The following MYH3 variants were observed in gnomAD, a reference collection of about 807,000 sequenced individuals.
The protein encoded by MYH3 is myosin heavy chain 3.
Under a neutral mutation model 238.0 loss-of-function variants are expected in MYH3, and 130 were observed. The observed-to-expected ratio is 0.55, with a 90% CI of 0.47 to 0.63. The LOEUF is 0.63. Ranked by LOEUF, MYH3 falls within the 30% of genes least tolerant of loss-of-function variation. MYH3 has a pLI of 0.00. For missense variants in MYH3, 1,853 were observed against 2,374.9 expected (o/e 0.78, Z 4.57); for synonymous variants, 880 against 924.1 (o/e 0.95, Z 0.86).
upstream of MYH3, chr17:10,658,457 G>A (rs139442606): frequency 3.9e-5 from 6 of 152,372 alleles, no homozygotes; most frequent in African/African-American, 7.2e-5. Flanking sequence ...GCAAAGGCAC[G>A]TGTATGAAAC....
chr17:10,643,676 G>A lies in MYH3; in HGVS notation c.1410+675C>T, dbSNP rs117946533. ...GGCATGAGGCACCATGCCCAGCCGC[G>A]GCTATGCACGGTCTAACACAGAACC... On this transcript the variant is annotated intron_variant, in intron 14 of 40. Coordinates refer to ENST00000583535, the MANE Select transcript of MYH3 (RefSeq NM_002470.4). Among the ~76,000 whole-genome samples, 192 of 152,258 alleles carry A rather than the reference G, an allele frequency of 1.3e-3. 8 individuals are homozygous for A. In the East Asian group the frequency reaches 0.024, roughly 19 times the overall value.
At chr17:10,667,096 A>G in the MYH3 span, among the ~76,000 whole-genome samples, 2 of 152,192 alleles carry the variant, frequency 1.3e-5, no homozygotes, top group African/African-American at 4.8e-5. Flanking sequence ...GTCATAACAC[A>G]CACACTCACA....
chr17:10,637,673 T>A, intron 28 of MYH3, 136 bp downstream of exon 28: 1 of 1,229,796 alleles, frequency 8.1e-7, no homozygotes, highest in Non-Finnish European at 1.2e-6. Flanking sequence ...CTATGAGTTA[T>A]TTCAATTTCT....
intron 31 of MYH3, 87 bp downstream of exon 31, chr17:10,634,753 C>A: frequency 6.5e-7 from 1 of 1,534,240 alleles, no homozygotes; most frequent in South Asian, 1.1e-5. Flanking sequence ...AGGGCAGAGT[C>A]AGGTCCGGGA....
At chr17:10,664,602 G>GACGGGGAAACCTAAGCC in the MYH3 span, among the ~76,000 whole-genome samples, 3,615 of 152,172 alleles carry the variant, frequency 0.024, 56 homozygotes, top group Middle Eastern at 0.044. Flanking sequence ...GTAATGAGTT[G>GACGGGGAAACCTAAGCC]ACGGGGAAAC....
In MYH3 at chr17:10,635,727, T is replaced by C; in HGVS notation, c.3975+8A>G. 6.2e-7 allele frequency: 1 copy of C among 1,613,354 alleles called. No homozygotes were observed. ...TAAGGGCAAAGAAGTCTTCCTTCAA[T>C]GGTGTACCTTGTTCTCTTCCTCCAG... On this transcript the variant is annotated splice_region_variant and intron_variant, in intron 29 of 40. Coordinates refer to ENST00000583535, the MANE Select transcript of MYH3 (RefSeq NM_002470.4).
Position 10,638,425 on chromosome 17 carries a change from A to C in MYH3, c.3347T>G (p.Ile1116Ser). 1 of 1,599,536 alleles carries C rather than the reference A, an allele frequency of 6.3e-7. No homozygotes were observed. The highest frequency in any genetic ancestry group is 1.7e-4 in the Middle Eastern group (1 of 6,058). Residue 1116 changes from isoleucine (I) to serine (S), a missense_variant, in exon 27 of 41, where the codon ATT (isoleucine) becomes AGT (serine). This residue lies in a region of MYH3 where 1,044 missense variants were observed against 1,192.6 expected (regional missense o/e 0.88). Transcript: ENST00000583535. ...QKKIKELQAR[I>S]EELEEEIEAE... Reference sequence around the variant, plus strand: ...CTCTATCTCCTCTTCCAGCTCCTCAATTCGAGCCTGTGGAGGGCAGCCGTT... The same window carrying C: ...CTCTATCTCCTCTTCCAGCTCCTCACTTCGAGCCTGTGGAGGGCAGCCGTT...
the MYH3 span, chr17:10,676,323 T>C: frequency 1.3e-5 from 2 of 152,172 alleles, no homozygotes; most frequent in Non-Finnish European, 2.9e-5. Context: ...ACTCTCAACC[T>C]CAGGTGATCC....
Position 10,639,036 on chromosome 17 carries a change from G to A in MYH3, c.3248+8C>T. ...TGCAAAATGGAAGCCAGTGGTTGAA[G>A]GGCATACTTCTTGAGCCTTTCGTCC... On this transcript the variant is annotated splice_region_variant and intron_variant, in intron 25 of 40. Transcript: ENST00000583535. 6.2e-7 allele frequency: 1 copy of A among 1,614,218 alleles called. No individual in the cohort carries two copies. Among genetic ancestry groups the A allele is most frequent in the Non-Finnish European group, 8.5e-7 (1 of 1,180,044 alleles).
In MYH3 at chr17:10,642,355, G is replaced by A. The variant is rs749517318; in HGVS notation, c.1889-45C>T. The A allele has an allele frequency of 4.3e-6, 7 of 1,613,724 alleles. No individual in the cohort carries two copies. Among genetic ancestry groups the A allele is most frequent in the Non-Finnish European group, 5.9e-6 (7 of 1,179,608 alleles). ...GCACGTGCTGTAGGTGAATCTAAAA[G>A]GTTTTTTGTTACTGTGGAACAAATG... is the stretch of plus-strand genomic sequence containing the variant. On this transcript the variant is annotated intron_variant, in intron 16 of 40. Coordinates refer to ENST00000583535, the MANE Select transcript of MYH3 (RefSeq NM_002470.4). This position sits in a 1 kb window ranked among gnomAD's most constrained non-coding sequence, Gnocchi z 5.4.
At chr17:10,661,289 TAAAAAAAAAAAAAAAA>T (rs34393718), upstream of MYH3, among the ~76,000 whole-genome samples, 283 of 49,716 alleles carry the variant, frequency 5.7e-3, no homozygotes, top group African/African-American at 0.022. Context: ...AGACTCCATC[TAAAAAAAAAAAAAAAA>T]AAAAAAAAAA....
chr17:10,670,694 T>G, the MYH3 span, among the ~76,000 whole-genome samples: 2 of 146,620 alleles, frequency 1.4e-5, no homozygotes, highest in African/African-American at 4.9e-5. The surrounding 1 kb of genome is among the most constrained non-coding windows in gnomAD (Gnocchi z 7.0). Context: ...AACACACCAC[T>G]ATTATTAATG....
Position 10,641,296 on chromosome 17 carries a change from G to A in MYH3, c.2036C>T (p.Thr679Ile). 1.2e-6 allele frequency: 2 copies of A among 1,612,732 alleles called. No individual in the cohort carries two copies. Among genetic ancestry groups the A allele is most frequent in the Non-Finnish European group, 1.7e-6 (2 of 1,178,862 alleles). ...AGCAGGTGTCTCACCTGGAGTTTTG[G>A]TTTCATTGGGAATTATACAACGCAC... ...HFVRCIIPNETKTPGAMEHSL... is the reference protein window; with the variant it reads ...HFVRCIIPNEIKTPGAMEHSL... The change falls in exon 18 of 41, where the codon ACC becomes ATC. Residue 679 changes from threonine (T) to isoleucine (I), a missense_variant. By Grantham distance (89) the Thr-to-Ile change is moderately conservative. This residue lies in a region of MYH3 where 678 missense variants were observed against 1,058.9 expected (regional missense o/e 0.64). Transcript: ENST00000583535.
the MYH3 span, among the ~76,000 whole-genome samples, chr17:10,663,927 G>A: frequency 6.6e-5 from 10 of 152,042 alleles, no homozygotes; most frequent in African/African-American, 2.4e-4. Flanking sequence ...GCTGGATGTG[G>A]TGGCGTGCAC....
intron 2 of MYH3, 51 bp from the exon 3 acceptor site, chr17:10,655,123 C>T (rs889211112): frequency 6.9e-7 from 1 of 1,449,780 alleles, no homozygotes; most frequent in Non-Finnish European, 9.7e-7. Flanking sequence ...GCCAGGCACC[C>T]AGCAGCTCCA....
intron 26 of MYH3, 73 bp downstream of exon 26, chr17:10,638,800 G>A: frequency 1.4e-6 from 2 of 1,464,932 alleles, no homozygotes; most frequent in South Asian, 2.3e-5. Context: ...TTCTCTAAAT[G>A]GCTTATAGCA....
At position 10,638,191 on chromosome 17, in the gene MYH3, C is replaced by T. The variant is rs1465562832; in HGVS notation, c.3581G>A (p.Arg1194Lys). 2.5e-6 allele frequency: 4 copies of T among 1,613,918 alleles called. No individual in the cohort carries two copies. Among genetic ancestry groups the T allele is most frequent in the Admixed American group, 3.3e-5 (2 of 60,000 alleles). ...LQHEAMVAAL[R>K]KKHADSVAEL... ...GGCCACACTATCCGCATGCTTCTTC[C>T]TCAGCGCGGCCACCATGGCTTCGTG... The change falls in exon 27 of 41, where the codon AGG becomes AAG. Residue 1194 changes from arginine to lysine, a missense_variant. By Grantham distance (26) the Arg-to-Lys change is conservative. Transcript: ENST00000583535.
At chr17:10,655,828 T>C (rs977121789) in intron 2 of MYH3, among the ~76,000 whole-genome samples, 1 of 152,150 alleles carries the variant, frequency 6.6e-6, no homozygotes, top group Non-Finnish European at 1.5e-5. Flanking sequence ...ATTTTTCTAT[T>C]TTTAGTAGAG....
chr17:10,674,444 A>C, the MYH3 span: 1 of 288,054 alleles, frequency 3.5e-6, no homozygotes, highest in East Asian at 1.3e-4. Flanking sequence ...ACAAACAAAC[A>C]AACAAAAAAA....
Sources: allele counts gnomAD v4.1 joint callset (sites outside exome capture counted in the v4.1 genomes callset), GRCh38; gene constraint gnomAD v4.1.1; regional missense constraint gnomAD v4.1.1; non-coding constraint Gnocchi (gnomAD v3.1); transcripts MANE v1.5; gene names NCBI Gene and HGNC (gene_info 2026-07-23, HGNC 2026-07-21).